Variants in NATD1 observed in about 807,000 individuals in gnomAD.
NATD1 encodes protein NATD1.
A neutral mutation model predicts 12.0 loss-of-function variants in NATD1; 9 were observed. That is an observed-to-expected ratio of 0.75 (90% CI 0.45 to 1.30). The LOEUF (loss-of-function observed/expected upper bound fraction) is 1.30, where lower values mean the gene tolerates loss of function less well. Among genes scored for constraint, NATD1 ranks in the 50% most tolerant of loss-of-function variants. The probability of loss-of-function intolerance (pLI) is 0.00; values close to 1 mark genes in which losing one functional copy is unlikely to be tolerated. For synonymous variants in NATD1, 71 were observed against 65.9 expected, an observed-to-expected ratio of 1.08 and a Z score of -0.37; for missense variants, 148 against 148.5, an observed-to-expected ratio of 1.00 and a Z score of 0.02.
At chr17:21,251,676 G>C (rs553663716) in intron 1 of NATD1, among the ~76,000 whole-genome samples, 4 of 152,348 alleles carry the variant, frequency 2.6e-5, no homozygotes, top group African/African-American at 9.6e-5. Context: ...GTGGGGCCTG[G>C]CTCGACACTC....
At chr17:21,249,911 C>A (rs569864357) in intron 1 of NATD1, among the ~76,000 whole-genome samples, 8 of 152,226 alleles carry the variant, frequency 5.3e-5, no homozygotes, top group Admixed American at 2.0e-4. Flanking sequence ...TCAGACAAGC[C>A]TGAGCTCAAG....
chr17:21,243,973 G>C (rs1481484582), intron 2 of NATD1, 133 bp downstream of exon 2: 1 of 722,498 alleles, frequency 1.4e-6, no homozygotes, highest in Non-Finnish European at 2.2e-6. Context: ...CCAGAAAGGC[G>C]GCCACTGGCC....
Position 21,243,304 on chromosome 17 carries a change from A to C in NATD1, c.*9T>G. Reference sequence around the variant, plus strand: ...TCCGGCAGGGAGCGCTCCCGCCTGCAGGCCAGGGTTACGGCTGCAGGCGCT... The same window carrying C: ...TCCGGCAGGGAGCGCTCCCGCCTGCCGGCCAGGGTTACGGCTGCAGGCGCT... On this transcript the variant is annotated 3_prime_UTR_variant, in exon 3 of 3. Transcript: ENST00000611551. The C allele has an allele frequency of 6.2e-7, 1 of 1,609,934 alleles. No individual in the cohort carries two copies. Among genetic ancestry groups the C allele is most frequent in the East Asian group, 2.2e-5 (1 of 44,862 alleles).
intron 1 of NATD1, among the ~76,000 whole-genome samples, chr17:21,251,830 G>A (rs980997361): frequency 6.6e-6 from 1 of 152,184 alleles, no homozygotes; most frequent in Admixed American, 6.5e-5. Flanking sequence ...CTGACCTCTC[G>A]CAAGCCTTTC....
chr17:21,252,869 C>T (rs981324542), intron 1 of NATD1, among the ~76,000 whole-genome samples: 2 of 151,922 alleles, frequency 1.3e-5, no homozygotes, highest in African/African-American at 4.8e-5. Flanking sequence ...TTCCAGGGGC[C>T]CCTGTCCGCC....
chr17:21,239,174 A>G lies in NATD1; in HGVS notation c.*4139T>C, dbSNP rs1975240012. ...GCCTGCAACCCCAGCTTCACAGGCA[A>G]TTCAGCCTTCTCCACACTGGCCCGG... On this transcript the variant is annotated 3_prime_UTR_variant, in exon 3 of 3. Coordinates refer to ENST00000611551, the MANE Select transcript of NATD1 (RefSeq NM_152914.3). 1 of 152,214 alleles carries G rather than the reference A, an allele frequency of 6.6e-6. No individual in the cohort carries two copies. Among genetic ancestry groups the G allele is most frequent in the Non-Finnish European group, 1.5e-5 (1 of 68,060 alleles). 9.4% of individuals were successfully genotyped at this position (152,214 alleles called of 1,614,324 possible).
intron 1 of NATD1, among the ~76,000 whole-genome samples, chr17:21,245,383 A>T (rs10888210): frequency 0.69 from 104,835 of 152,056 alleles, 37,089 homozygotes; most frequent in Middle Eastern, 0.8. Context: ...GTGTTTCATG[A>T]GTTTTAACTT....
rs1975308153 is a variant in NATD1, at chr17:21,244,438, T to C, written c.107-214A>G. Among the ~76,000 whole-genome samples, 1 of 152,146 alleles carries C rather than the reference T, an allele frequency of 6.6e-6. No individual in the cohort carries two copies. The highest frequency in any genetic ancestry group is 1.5e-5 in the Non-Finnish European group (1 of 68,014). On this transcript the variant is annotated intron_variant, in intron 1 of 2. Coordinates refer to ENST00000611551, the MANE Select transcript of NATD1 (RefSeq NM_152914.3). The surrounding 1 kb of genome is among the most constrained non-coding windows in gnomAD (Gnocchi z 5.2). ...TTGGAGGATTAAATGAGGTAACCTC[T>C]GTGACGTGCTTACAGCCATGCCTAG...
At chr17:21,248,926 T>C (rs1413066606) in intron 1 of NATD1, among the ~76,000 whole-genome samples, 1 of 152,036 alleles carries the variant, frequency 6.6e-6, no homozygotes, top group Non-Finnish European at 1.5e-5. Flanking sequence ...CTCCTGGGCC[T>C]GAGAACCCCA....
chr17:21,249,373 T>A (rs1975355759), intron 1 of NATD1, among the ~76,000 whole-genome samples: 2 of 152,148 alleles, frequency 1.3e-5, no homozygotes, highest in African/African-American at 2.4e-5. Flanking sequence ...TGTTGGTGGT[T>A]CATTGGTAGA....
At chr17:21,252,691 A>T (rs1975388765) in intron 1 of NATD1, among the ~76,000 whole-genome samples, 1 of 151,980 alleles carries the variant, frequency 6.6e-6, no homozygotes, top group African/African-American at 2.4e-5. Context: ...GCAGGAAGCC[A>T]TATACCACCC....
chr17:21,243,986 G>T, intron 2 of NATD1, 120 bp downstream of exon 2: 1 of 873,804 alleles, frequency 1.1e-6, no homozygotes, highest in Non-Finnish European at 1.7e-6. Flanking sequence ...CACTGGCCCA[G>T]AGAGGACCCA....
At chr17:21,247,904 C>T (rs972331956) in intron 1 of NATD1, among the ~76,000 whole-genome samples, 2 of 152,142 alleles carry the variant, frequency 1.3e-5, no homozygotes, top group African/African-American at 2.4e-5. Flanking sequence ...GTGCTGCGGG[C>T]AGTCAGGGGA....
At chr17:21,243,550 A>C in intron 2 of NATD1, 121 bp from the exon 3 acceptor site, 1 of 700,344 alleles carries the variant, frequency 1.4e-6, no homozygotes, top group Non-Finnish European at 2.4e-6. Flanking sequence ...CAGGTCAGTA[A>C]CTCCCTTGAG....
chr17:21,252,375 A>G (rs545578991), intron 1 of NATD1, among the ~76,000 whole-genome samples: 6 of 152,190 alleles, frequency 3.9e-5, no homozygotes, highest in Non-Finnish European at 8.8e-5. Flanking sequence ...ACGAATCACG[A>G]TCGGGCCACG....
intron 2 of NATD1, 135 bp downstream of exon 2, chr17:21,243,971 G>A: frequency 1.4e-6 from 1 of 706,602 alleles, no homozygotes; most frequent in East Asian, 2.9e-5. Flanking sequence ...GCCCAGAAAG[G>A]CGGCCACTGG....
intron 1 of NATD1, among the ~76,000 whole-genome samples, chr17:21,247,785 C>A (rs893385945): frequency 9.9e-5 from 15 of 152,240 alleles, no homozygotes; most frequent in African/African-American, 3.6e-4. Flanking sequence ...TGGACCAGGC[C>A]TAGAGGCTAT....
At position 21,242,385 on chromosome 17, in the gene NATD1, TTTC is replaced by T. The variant is rs1313700310; in HGVS notation, c.*925_*927del. 6.6e-6 allele frequency: 1 copy of T among 152,262 alleles called. No individual in the cohort carries two copies. Among genetic ancestry groups the T allele is most frequent in the Non-Finnish European group, 1.5e-5 (1 of 68,076 alleles). 9.4% of individuals were successfully genotyped at this position (152,262 alleles called of 1,614,324 possible). A position where few individuals can be genotyped will look rare whatever the true frequency, so the allele number is the denominator to read the frequency against. On this transcript the variant is annotated 3_prime_UTR_variant, in exon 3 of 3. Coordinates refer to ENST00000611551, the MANE Select transcript of NATD1 (RefSeq NM_152914.3). Reference sequence around the variant, plus strand: ...AGCACAGAAACCCCTGTGGCTGATGTTTCTTCCTCTTGGATGCTGAGGGTGGTT... The same window carrying T: ...AGCACAGAAACCCCTGTGGCTGATGTTTCCTCTTGGATGCTGAGGGTGGTT...
intron 1 of NATD1, among the ~76,000 whole-genome samples, chr17:21,250,389 C>A (rs1367865290): frequency 6.6e-6 from 1 of 152,192 alleles, no homozygotes; most frequent in Non-Finnish European, 1.5e-5. Context: ...AGCAGCCCTG[C>A]CCAACACAGC....
Sources: allele counts gnomAD v4.1 joint callset (sites outside exome capture counted in the v4.1 genomes callset), GRCh38; gene constraint gnomAD v4.1.1; non-coding constraint Gnocchi (gnomAD v3.1); transcripts MANE v1.5; gene names NCBI Gene and HGNC (gene_info 2026-07-23, HGNC 2026-07-21).